SDK1: variants seen among roughly 807,000 people sequenced by gnomAD.
SDK1 encodes sidekick cell adhesion molecule 1, also known as protein sidekick-1.
Under a neutral mutation model 245.5 loss-of-function variants are expected in SDK1, and 157 were observed. That is an observed-to-expected ratio of 0.64 (90% confidence interval 0.56 to 0.73). The LOEUF (loss-of-function observed/expected upper bound fraction) is 0.73, where lower values mean the gene tolerates loss of function less well. SDK1 is among the 30% of genes least tolerant of loss of function. The pLI is 0.00. For synonymous variants in SDK1, 1,647 were observed against 1,278.5 expected (o/e 1.29, Z -6.15); for missense variants, 3,583 against 3,002.3 (o/e 1.19, Z -4.52).
At chr7:3,840,076 T>C (rs1468535490) in intron 5 of SDK1, among the ~76,000 whole-genome samples, 2 of 152,152 alleles carry the variant, frequency 1.3e-5, no homozygotes, top group Non-Finnish European at 2.9e-5. Context: ...TGACCTAAAA[T>C]TTTACAGTAC....
intron 35 of SDK1, among the ~76,000 whole-genome samples, chr7:4,200,273 G>A (rs189245521): frequency 6.6e-6 from 1 of 152,334 alleles, no homozygotes; most frequent in East Asian, 1.9e-4. Flanking sequence ...CCAAACTCCA[G>A]GCGGTCTTGG....
At chr7:3,749,560 A>C (rs1040744679) in intron 4 of SDK1, among the ~76,000 whole-genome samples, 8 of 152,108 alleles carry the variant, frequency 5.3e-5, no homozygotes, top group Admixed American at 2.0e-4. Context: ...TGGCCTCCCA[A>C]AGTGCTGGGA....
intron 20 of SDK1, among the ~76,000 whole-genome samples, chr7:4,068,598 G>A (rs753929000): frequency 2.0e-5 from 3 of 152,074 alleles, no homozygotes; most frequent in Non-Finnish European, 4.4e-5. Context: ...AGGAGGTTCT[G>A]AGCTGTACCA....
intron 30 of SDK1, among the ~76,000 whole-genome samples, chr7:4,153,357 G>A (rs993915654): frequency 3.3e-5 from 5 of 152,104 alleles, no homozygotes; most frequent in South Asian, 2.1e-4. Context: ...AGGCCGAGGC[G>A]GGTGGATCAC....
intron 22 of SDK1, among the ~76,000 whole-genome samples, chr7:4,080,103 G>A (rs1220651621): frequency 2.0e-5 from 3 of 152,166 alleles, no homozygotes; most frequent in African/African-American, 7.2e-5. Context: ...ACCTCCAGCT[G>A]TGGGAAAGCT....
intron 22 of SDK1, among the ~76,000 whole-genome samples, 200 bp downstream of exon 22, chr7:4,079,784 C>G (rs1780940370): frequency 6.6e-6 from 1 of 152,108 alleles, no homozygotes; most frequent in Non-Finnish European, 1.5e-5. Flanking sequence ...GGCCGGGGTC[C>G]TACCAGGTGA....
intron 1 of SDK1, among the ~76,000 whole-genome samples, chr7:3,326,443 A>G (rs1002656545): frequency 3.3e-5 from 5 of 152,116 alleles, no homozygotes; most frequent in African/African-American, 1.2e-4. Context: ...TAGACATTGA[A>G]GTTGTTTTAG....
chr7:3,403,273 T>C (rs1778939682), intron 1 of SDK1, among the ~76,000 whole-genome samples: 1 of 152,174 alleles, frequency 6.6e-6, no homozygotes, highest in Non-Finnish European at 1.5e-5. Context: ...TTAGAAGATC[T>C]CTAAGATTCC....
intron 9 of SDK1, among the ~76,000 whole-genome samples, chr7:3,966,269 C>T (rs1163782816): frequency 1.3e-5 from 2 of 152,110 alleles, no homozygotes; most frequent in Admixed American, 1.3e-4. Flanking sequence ...ATGGGATTCT[C>T]AGCAGGTGCA....
At chr7:3,814,259 A>G (rs372403782) in intron 4 of SDK1, among the ~76,000 whole-genome samples, 3 of 151,094 alleles carry the variant, frequency 2.0e-5, no homozygotes, top group African/African-American at 2.4e-5. Flanking sequence ...TAATGTTTAA[A>G]TCTTTAATCC....
At chr7:3,682,801 C>T (rs6462225) in intron 4 of SDK1, among the ~76,000 whole-genome samples, 37,368 of 151,554 alleles carry the variant, frequency 0.25, 7,500 homozygotes, top group African/African-American at 0.54. Flanking sequence ...TGCAGTGGCG[C>T]AATCTCAGCT....
chr7:3,479,929 T>G (rs1781460359), intron 1 of SDK1, among the ~76,000 whole-genome samples: 2 of 152,084 alleles, frequency 1.3e-5, no homozygotes, highest in African/African-American at 2.4e-5. Flanking sequence ...TTCTTTCAAT[T>G]TTTTCTTTAT....
chr7:3,584,634 G>A (rs917540676), intron 1 of SDK1, among the ~76,000 whole-genome samples: 2 of 152,154 alleles, frequency 1.3e-5, no homozygotes, highest in Non-Finnish European at 2.9e-5. Flanking sequence ...GAACTTTCCA[G>A]AGAAGTCGCA....
chr7:4,197,523 A>C (rs1462498580), intron 35 of SDK1, among the ~76,000 whole-genome samples: 2 of 152,172 alleles, frequency 1.3e-5, no homozygotes, highest in Non-Finnish European at 2.9e-5. Flanking sequence ...TTCTTCCACA[A>C]GGAGAAAAAG....
intron 1 of SDK1, among the ~76,000 whole-genome samples, chr7:3,550,101 TGGGC>T (rs1779351510): frequency 6.6e-6 from 1 of 152,132 alleles, no homozygotes; most frequent in Non-Finnish European, 1.5e-5. Flanking sequence ...ATCATATACA[TGGGC>T]ATGCATGCAT....
chr7:3,988,087 G>C (rs566858770), intron 14 of SDK1, among the ~76,000 whole-genome samples: 1 of 150,576 alleles, frequency 6.6e-6, no homozygotes, highest in Non-Finnish European at 1.5e-5. Flanking sequence ...GTTGTCTCAC[G>C]GCCTCTCCAG....
chr7:4,187,442 C>G (rs554792243), intron 35 of SDK1, among the ~76,000 whole-genome samples: 14 of 152,236 alleles, frequency 9.2e-5, no homozygotes, highest in Non-Finnish European at 1.5e-4. Flanking sequence ...CTTTGAAATA[C>G]TTCAGCTAAT....
At chr7:3,571,341 C>G (rs1277554258) in intron 1 of SDK1, among the ~76,000 whole-genome samples, 1 of 151,800 alleles carries the variant, frequency 6.6e-6, no homozygotes, top group Non-Finnish European at 1.5e-5. Flanking sequence ...CTTACATTGT[C>G]ACGCACGTGG....
At chr7:3,356,976 AC>A (rs775591476) in intron 1 of SDK1, among the ~76,000 whole-genome samples, 14 of 86,030 alleles carry the variant, frequency 1.6e-4, no homozygotes, top group East Asian at 2.5e-4. Flanking sequence ...AACCGCTTGA[AC>A]CTGGGAGGCA....
Sources: gnomAD v4.1 joint callset for allele counts (sites outside exome capture counted in the v4.1 genomes callset) on GRCh38, gnomAD v4.1.1 for gene constraint, MANE v1.5 for transcripts, NCBI Gene and HGNC (gene_info 2026-07-23, HGNC 2026-07-21) for gene names.